The following PRICKLE1 variants were observed in gnomAD, a reference collection of about 807,000 sequenced individuals.
The protein encoded by PRICKLE1 is prickle planar cell polarity protein 1.
PRICKLE1 carries 14 observed loss-of-function variants against 70.2 expected under a neutral mutation model. That is an observed-to-expected ratio of 0.20 (90% CI 0.13 to 0.31). The LOEUF (loss-of-function observed/expected upper bound fraction) is 0.31. Ranked by LOEUF, PRICKLE1 falls within the 10% of genes least tolerant of loss-of-function variation. The pLI, the probability that PRICKLE1 is intolerant of heterozygous loss-of-function variation, is 1.00. For synonymous variants in PRICKLE1, 357 were observed against 379.9 expected, an observed-to-expected ratio of 0.94 and a Z score of 0.70; for missense variants, 821 against 1,026.2, an observed-to-expected ratio of 0.80 and a Z score of 2.73.
intron 1 of PRICKLE1, among the ~76,000 whole-genome samples, chr12:42,588,748 C>T (rs924014201): frequency 7.9e-5 from 12 of 152,158 alleles, no homozygotes; most frequent in Non-Finnish European, 1.6e-4. Flanking sequence ...TCCCAAAGTC[C>T]CAAGAATAAC....
At chr12:42,501,464 C>T (rs190473657) in intron 1 of PRICKLE1, among the ~76,000 whole-genome samples, 37 of 132,336 alleles carry the variant, frequency 2.8e-4, no homozygotes, top group African/African-American at 9.5e-4. Context: ...GAGCCAAGAT[C>T]GTGCCACTGC....
intron 1 of PRICKLE1, among the ~76,000 whole-genome samples, chr12:42,529,571 G>C (rs1352300275): frequency 6.6e-6 from 1 of 152,142 alleles, no homozygotes; most frequent in Non-Finnish European, 1.5e-5. Context: ...GCTTAGTGAG[G>C]GCAGGGTTGA....
chr12:42,523,307 A>C (rs1303258206), intron 1 of PRICKLE1, among the ~76,000 whole-genome samples: 2 of 152,198 alleles, frequency 1.3e-5, no homozygotes, highest in African/African-American at 2.4e-5. Flanking sequence ...TGGAATAAGC[A>C]TTAAAAGGTT....
chr12:42,510,025 A>G (rs1425543535), intron 1 of PRICKLE1, among the ~76,000 whole-genome samples: 2 of 151,610 alleles, frequency 1.3e-5, no homozygotes, highest in Non-Finnish European at 2.9e-5. Flanking sequence ...GTGAGCCAAG[A>G]TCATGCCACT....
At chr12:42,497,931 G>C (rs1474278884) in intron 1 of PRICKLE1, among the ~76,000 whole-genome samples, 5 of 151,982 alleles carry the variant, frequency 3.3e-5, no homozygotes. Context: ...ACTCCCTCAG[G>C]TCTGCCCATC....
chr12:42,539,937 A>G (rs543290996), intron 1 of PRICKLE1, among the ~76,000 whole-genome samples: 1 of 152,330 alleles, frequency 6.6e-6, no homozygotes, highest in East Asian at 1.9e-4. Context: ...AATGTCCTGG[A>G]GAATACTTGA....
intron 1 of PRICKLE1, among the ~76,000 whole-genome samples, chr12:42,580,270 T>G (rs892976535): frequency 6.6e-6 from 1 of 152,188 alleles, no homozygotes; most frequent in Admixed American, 6.6e-5. Context: ...CAAATAAGGA[T>G]GCTCAAAAAG....
chr12:42,502,839 C>T (rs1336750210), intron 1 of PRICKLE1, among the ~76,000 whole-genome samples: 2 of 152,062 alleles, frequency 1.3e-5, no homozygotes, highest in Non-Finnish European at 2.9e-5. Context: ...AGAAGAGCAA[C>T]GAATGTAACA....
At chr12:42,524,896 C>A (rs1592000970) in intron 1 of PRICKLE1, 1 of 152,222 alleles carries the variant, frequency 6.6e-6, no homozygotes, top group Admixed American at 6.5e-5. Flanking sequence ...TATAGTTGGT[C>A]TTTGTCCAGG....
chr12:42,555,118 C>T (rs191453687), intron 1 of PRICKLE1, among the ~76,000 whole-genome samples: 8 of 152,238 alleles, frequency 5.3e-5, no homozygotes, highest in Admixed American at 3.9e-4. Flanking sequence ...GACTGGGCAA[C>T]ATGGTGAAAC....
At chr12:42,539,656 CT>C (rs1004807382) in intron 1 of PRICKLE1, among the ~76,000 whole-genome samples, 2 of 152,120 alleles carry the variant, frequency 1.3e-5, no homozygotes, top group Non-Finnish European at 2.9e-5. Flanking sequence ...TCAGCAATCA[CT>C]ATTTGTAATC....
intron 1 of PRICKLE1, among the ~76,000 whole-genome samples, chr12:42,496,081 G>A (rs1939196913): frequency 6.6e-6 from 1 of 152,222 alleles, no homozygotes; most frequent in South Asian, 2.1e-4. Context: ...ATCTATGGCA[G>A]TTATAGCCTT....
chr12:42,511,992 TC>T (rs1939520776), intron 1 of PRICKLE1, among the ~76,000 whole-genome samples: 1 of 152,162 alleles, frequency 6.6e-6, no homozygotes, highest in South Asian at 2.1e-4. Context: ...TGCATCTGAC[TC>T]CCCTTACACC....
intron 1 of PRICKLE1, among the ~76,000 whole-genome samples, chr12:42,531,983 C>A (rs150574289): frequency 2.6e-3 from 400 of 152,090 alleles, no homozygotes; most frequent in African/African-American, 9.1e-3. Flanking sequence ...CATAGGGTGA[C>A]TTCATCTCTA....
chr12:42,468,494 C>A, intron 5 of PRICKLE1, 132 bp downstream of exon 5: 2 of 848,594 alleles, frequency 2.4e-6, no homozygotes, highest in South Asian at 1.5e-5. Context: ...TATGAATGTA[C>A]AGGATTATGT....
Position 42,459,899 on chromosome 12 carries a change from T to C in PRICKLE1, c.2406A>G (p.Pro802=), listed in dbSNP as rs377290931. ...AYYTDDLSSP[P]SALPTPQFGQ... is the part of the protein sequence containing the mutation. ...CAAACTGAGGGGTGGGAAGTGCAGA[T>C]GGTGGACTAGAAAGGTCATCTGTAT... The change falls in exon 8 of 8, where the codon CCA becomes CCG. Residue 802 remains proline (P), a synonymous_variant. Coordinates refer to ENST00000345127, the MANE Select transcript of PRICKLE1 (RefSeq NM_153026.3). The C allele has an allele frequency of 4.3e-6, 7 of 1,614,154 alleles. No individual in the cohort carries two copies. In the East Asian group the frequency reaches 6.7e-5, roughly 15 times the overall value.
Position 42,460,209 on chromosome 12 carries a change from T to C in PRICKLE1, c.2096A>G (p.Asp699Gly). The C allele has an allele frequency of 6.2e-7, 1 of 1,614,152 alleles. No homozygotes were observed. The highest frequency in any genetic ancestry group is 8.5e-7 in the Non-Finnish European group (1 of 1,180,042). Residue 699 changes from aspartate to glycine, a missense_variant, in exon 8 of 8, where the codon GAC becomes GGC. Asp to Gly is a moderately conservative substitution (Grantham distance 94, BLOSUM62 -1). Transcript: ENST00000345127. ...LVTERKYSPK[D>G]RLRLYTPDNY... The stretch of plus-strand genomic sequence containing the variant: ...ATCGGGGGTGTACAGCCGCAGTCTG[T>C]CCTTGGGAGAGTATTTTCTTTCTGT...
At chr12:42,508,841 G>A (rs573418064) in intron 1 of PRICKLE1, among the ~76,000 whole-genome samples, 2 of 152,290 alleles carry the variant, frequency 1.3e-5, no homozygotes, top group East Asian at 3.9e-4. Flanking sequence ...TAACTGGCTA[G>A]AAGACCTTTA....
At chr12:42,476,477 T>C (rs1455493601) in intron 1 of PRICKLE1, among the ~76,000 whole-genome samples, 1 of 151,614 alleles carries the variant, frequency 6.6e-6, no homozygotes, top group Admixed American at 6.6e-5. Flanking sequence ...CCACTGCACC[T>C]GGCTAATTTT....
Sources: gnomAD v4.1 joint callset for allele counts (sites outside exome capture counted in the v4.1 genomes callset) on GRCh38, gnomAD v4.1.1 for gene constraint, MANE v1.5 for transcripts, NCBI Gene and HGNC (gene_info 2026-07-23, HGNC 2026-07-21) for gene names.